The following TUBGCP3 variants were observed in gnomAD, a reference collection of about 807,000 sequenced individuals.
The protein encoded by TUBGCP3 is gamma-tubulin complex component 3.
TUBGCP3 carries 50 observed loss-of-function variants against 123.1 expected under a neutral mutation model. That is an observed-to-expected ratio of 0.41 (90% CI 0.32 to 0.51). The LOEUF (loss-of-function observed/expected upper bound fraction) is 0.51, where lower values mean the gene tolerates loss of function less well. TUBGCP3 is among the 20% of genes least tolerant of loss of function. The probability of loss-of-function intolerance (pLI) is 0.36; values close to 1 mark genes in which losing one functional copy is unlikely to be tolerated. For synonymous variants in TUBGCP3, 405 were observed against 413.9 expected (o/e 0.98, Z 0.26); for missense variants, 882 against 1,127.0 (o/e 0.78, Z 3.11).
chr13:112,529,727 TCAGC>T (rs1877422813), intron 11 of TUBGCP3, among the ~76,000 whole-genome samples: 1 of 152,178 alleles, frequency 6.6e-6, no homozygotes, highest in Non-Finnish European at 1.5e-5. Context: ...GACCATGACC[TCAGC>T]ACTTGGCAGT....
intron 3 of TUBGCP3, among the ~76,000 whole-genome samples, chr13:112,564,331 G>A (rs1880778143): frequency 2.6e-5 from 4 of 152,224 alleles, no homozygotes; most frequent in African/African-American, 9.6e-5. Flanking sequence ...CATTAGGCCT[G>A]ACTCAATCAT....
chr13:112,501,446 C>T (rs1880900145), intron 19 of TUBGCP3, among the ~76,000 whole-genome samples: 1 of 152,188 alleles, frequency 6.6e-6, no homozygotes, highest in Non-Finnish European at 1.5e-5. Context: ...CTGCAGGAGG[C>T]CATTCTTTGG....
In TUBGCP3 at chr13:112,508,595, G is replaced by A. The variant is rs1047360291; in HGVS notation, c.2087-3881C>T. On this transcript the variant is annotated intron_variant, in intron 17 of 21. Transcript: ENST00000261965. The surrounding 1 kb of genome is among the most constrained non-coding windows in gnomAD (Gnocchi z 4.2). ...CACAACTTCAAGTATCATCCAGGCT[G>A]ATGACATCTAAAATCTTTACCTCTA... Among the ~76,000 whole-genome samples the A allele has an allele frequency of 6.6e-6, 1 of 152,098 alleles. No homozygotes were observed. Among genetic ancestry groups the A allele is most frequent in the Admixed American group, 6.5e-5 (1 of 15,276 alleles).
chr13:112,568,634 G>T lies in TUBGCP3; in HGVS notation c.184+518C>A, dbSNP rs542501989. Reference sequence around the variant, plus strand: ...TCCACTTGGACAGTTTAACGGGGAGGCCCCAGCAGGGAAATGCACTGACCT... The same window carrying T: ...TCCACTTGGACAGTTTAACGGGGAGTCCCCAGCAGGGAAATGCACTGACCT... On this transcript the variant is annotated intron_variant, in intron 2 of 21. Coordinates refer to ENST00000261965, the MANE Select transcript of TUBGCP3 (RefSeq NM_006322.6). 2.0e-5 allele frequency among the ~76,000 whole-genome samples: 3 copies of T among 152,372 alleles called. No homozygotes were observed. In the South Asian group the frequency reaches 6.2e-4, roughly 32 times the overall value.
the TUBGCP3 span, among the ~76,000 whole-genome samples, chr13:112,601,439 T>G: frequency 0.15 from 23,008 of 152,208 alleles, 2,022 homozygotes; most frequent in East Asian, 0.21. Context: ...GAGTGTGGAT[T>G]CATTCTCTCG....
At chr13:112,488,155 T>C (rs1203862871) in intron 21 of TUBGCP3, among the ~76,000 whole-genome samples, 1 of 147,370 alleles carries the variant, frequency 6.8e-6, no homozygotes, top group Non-Finnish European at 1.5e-5. Flanking sequence ...AAAAAAAAGT[T>C]TGAGGACCTG....
rs1879908861 is a variant in TUBGCP3, at chr13:112,554,976, C to G, written c.751G>C (p.Val251Leu). ...GTMEITEAAL[V>L]RDILYVFQGI... ...TGAAAGACGTACAAAATGTCCCTTA[C>G]CAGAGCTGCTTCTGTAATTTCCATA... Residue 251 changes from valine to leucine, a missense_variant, in exon 7 of 22, where the codon GTA becomes CTA. Transcript: ENST00000261965. 6.2e-7 allele frequency: 1 copy of G among 1,609,258 alleles called. No homozygotes were observed. Among genetic ancestry groups the G allele is most frequent in the African/African-American group, 1.3e-5 (1 of 74,612 alleles).
intron 3 of TUBGCP3, among the ~76,000 whole-genome samples, chr13:112,563,226 T>C (rs937757352): frequency 6.6e-6 from 1 of 152,178 alleles, no homozygotes; most frequent in African/African-American, 2.4e-5. Context: ...CCTTTGACCT[T>C]TCGTCCCCAT....
At position 112,508,202 on chromosome 13, in the gene TUBGCP3, G is replaced by T. The variant is rs886825107; in HGVS notation, c.2087-3488C>A. Among the ~76,000 whole-genome samples, 1 of 151,950 alleles carries T rather than the reference G, an allele frequency of 6.6e-6. No homozygotes were observed. Among genetic ancestry groups the T allele is most frequent in the Non-Finnish European group, 1.5e-5 (1 of 67,996 alleles). ...CGTGCCCCCTAGTCACTCCAAGCCC[G>T]CCTCTCCCTCCTAGCACACACTTAA... is the stretch of plus-strand genomic sequence containing the variant. On this transcript the variant is annotated intron_variant, in intron 17 of 21. Transcript: ENST00000261965. The surrounding 1 kb of genome is among the most constrained non-coding windows in gnomAD (Gnocchi z 4.2).
At position 112,508,470 on chromosome 13, in the gene TUBGCP3, A is replaced by C. The variant is rs1881451041; in HGVS notation, c.2087-3756T>G. On this transcript the variant is annotated intron_variant, in intron 17 of 21. Coordinates refer to ENST00000261965, the MANE Select transcript of TUBGCP3 (RefSeq NM_006322.6). This position sits in a 1 kb window ranked among gnomAD's most constrained non-coding sequence, Gnocchi z 4.2. Reference sequence around the variant, plus strand: ...GAAAAGGTATCGTGCACCACGACAGACAGGTCTACAGCCCCCACCCCAACC... The same window carrying C: ...GAAAAGGTATCGTGCACCACGACAGCCAGGTCTACAGCCCCCACCCCAACC... Among the ~76,000 whole-genome samples the C allele has an allele frequency of 6.6e-6, 1 of 152,106 alleles. No homozygotes were observed. Among genetic ancestry groups the C allele is most frequent in the South Asian group, 2.1e-4 (1 of 4,826 alleles).
At chr13:112,547,125 C>A (rs759879997) in intron 10 of TUBGCP3, 5 of 273,660 alleles carry the variant, frequency 1.8e-5, no homozygotes, top group Non-Finnish European at 3.4e-5. Flanking sequence ...GCAAGACATG[C>A]AAATATGGGA....
intron 1 of TUBGCP3, among the ~76,000 whole-genome samples, chr13:112,578,821 G>T (rs910219150): frequency 1.3e-5 from 2 of 151,844 alleles, no homozygotes; most frequent in Admixed American, 6.6e-5. Flanking sequence ...TCATTCCTTC[G>T]ACTCCACCAG....
intron 3 of TUBGCP3, among the ~76,000 whole-genome samples, chr13:112,561,222 G>A (rs1594203313): frequency 6.6e-6 from 1 of 152,198 alleles, no homozygotes; most frequent in Admixed American, 6.5e-5. Context: ...GCAGTGAGCC[G>A]AGTGTGTGCT....
chr13:112,588,618 G>A (rs745523127), upstream of TUBGCP3, among the ~76,000 whole-genome samples: 1 of 152,158 alleles, frequency 6.6e-6, no homozygotes, highest in African/African-American at 2.4e-5. Flanking sequence ...CCCCCGGCCC[G>A]GGTAACTGGG....
Position 112,547,730 on chromosome 13 carries a change from C to A in TUBGCP3, c.1058G>T (p.Gly353Val), listed in dbSNP as rs368056836. ...HSQLQLEDDQGVNLGLESSLT... is the reference protein window; with the variant it reads ...HSQLQLEDDQVVNLGLESSLT... ...ACTACTCTCAAGTCCCAAATTCACA[C>A]CCTGGTCATCCTCTAGTTGTAGCTA... Residue 353 changes from glycine (G) to valine (V), a missense_variant, in exon 10 of 22, where the codon GGT (glycine) becomes GTT (valine). By Grantham distance (109) the Gly-to-Val change is moderately radical. Transcript: ENST00000261965. 5.3e-6 allele frequency: 8 copies of A among 1,515,540 alleles called. No individual in the cohort carries two copies. The African/African-American group carries it at 7.0e-5, about 13-fold the overall frequency. The allele number at this position is 1,515,540 out of a possible 1,614,324, so 93.9% of individuals were successfully genotyped here.
At chr13:112,523,451 A>G (rs542680802) in intron 13 of TUBGCP3, among the ~76,000 whole-genome samples, 2 of 152,366 alleles carry the variant, frequency 1.3e-5, no homozygotes, top group African/African-American at 4.8e-5. Flanking sequence ...TCACACTAGT[A>G]GCAAACAACT....
chr13:112,540,925 TTAAA>T (rs1430894189), intron 11 of TUBGCP3, among the ~76,000 whole-genome samples: 2 of 152,240 alleles, frequency 1.3e-5, no homozygotes, highest in South Asian at 2.1e-4. Flanking sequence ...TATTTTATTT[TTAAA>T]TAAATAAAAC....
chr13:112,494,025 G>A (rs1439784089), intron 20 of TUBGCP3, among the ~76,000 whole-genome samples: 1 of 151,210 alleles, frequency 6.6e-6, no homozygotes, highest in Non-Finnish European at 1.5e-5. Context: ...GTGTCCCTGA[G>A]ACACTCTAGC....
chr13:112,602,405 A>G, the TUBGCP3 span, among the ~76,000 whole-genome samples: 5 of 152,182 alleles, frequency 3.3e-5, no homozygotes, highest in Non-Finnish European at 5.9e-5. Flanking sequence ...CCACCACAGA[A>G]CCTGCAGCTG....
Sources: allele counts gnomAD v4.1 joint callset (sites outside exome capture counted in the v4.1 genomes callset), GRCh38; gene constraint gnomAD v4.1.1; non-coding constraint Gnocchi (gnomAD v3.1); transcripts MANE v1.5; gene names NCBI Gene and HGNC (gene_info 2026-07-23, HGNC 2026-07-21).